The following ANKRD28 variants were observed in gnomAD, a reference collection of about 807,000 sequenced individuals.
ANKRD28 encodes the protein ankyrin repeat domain 28.
ANKRD28 carries 44 observed loss-of-function variants against 126.5 expected under a neutral mutation model. The ratio of observed to expected loss-of-function variants is 0.35; its 90% CI spans 0.27 to 0.45. The LOEUF is 0.45. ANKRD28 is among the 20% of genes least tolerant of loss of function. ANKRD28 has a pLI of 1.00. For synonymous variants in ANKRD28, 442 were observed against 468.5 expected (o/e 0.94, Z 0.73); for missense variants, 1,110 against 1,316.6 (o/e 0.84, Z 2.43).
intron 14 of ANKRD28, among the ~76,000 whole-genome samples, chr3:15,704,945 C>T (rs1438599143): frequency 6.6e-6 from 1 of 152,128 alleles, no homozygotes; most frequent in East Asian, 1.9e-4. Flanking sequence ...CTAGATTATG[C>T]ACAGTCTCAT....
intron 2 of ANKRD28, among the ~76,000 whole-genome samples, chr3:15,779,192 G>A (rs1399357603): frequency 6.6e-6 from 1 of 152,112 alleles, no homozygotes; most frequent in African/African-American, 2.4e-5. Context: ...ACCATAAACT[G>A]CAGCCTGAAA....
chr3:15,814,818 T>TA lies in ANKRD28; in HGVS notation c.28-19513dup, dbSNP rs1369354657. Among the ~76,000 whole-genome samples the TA allele has an allele frequency of 6.6e-6, 1 of 151,456 alleles. No homozygotes were observed. The highest frequency in any genetic ancestry group is 1.5e-5 in the Non-Finnish European group (1 of 67,858). ...AGAACATACTCATTTCAGTAATACA[T>TA]AAATTTAAGAAATCACTGCAATATC... On this transcript the variant is annotated intron_variant, in intron 1 of 27. Transcript: ENST00000399451. This position sits in a 1 kb window ranked among gnomAD's most constrained non-coding sequence, Gnocchi z 4.7.
At position 15,789,959 on chromosome 3, in the gene ANKRD28, C is replaced by T. The variant is rs563570060; in HGVS notation, c.201+5264G>A. Among the ~76,000 whole-genome samples the T allele has an allele frequency of 7.0e-4, 107 of 152,122 alleles. 3 individuals carry two copies. The highest frequency in any genetic ancestry group is 1.2e-3 in the South Asian group (6 of 4,824). On this transcript the variant is annotated intron_variant, in intron 2 of 27. Transcript: ENST00000683139. ...CAACTTACACAGAAATTACGACTTACACAGACATTATGACTTATGCAGAAA... is the reference window on the plus strand; with the variant it reads ...CAACTTACACAGAAATTACGACTTATACAGACATTATGACTTATGCAGAAA...
intron 8 of ANKRD28, among the ~76,000 whole-genome samples, chr3:15,714,903 T>C (rs2126101711): frequency 6.6e-6 from 1 of 152,268 alleles, no homozygotes; most frequent in South Asian, 2.1e-4. Flanking sequence ...AGTGGGACAG[T>C]AAGGATGTGT....
At chr3:15,780,798 G>A (rs965416034) in intron 2 of ANKRD28, among the ~76,000 whole-genome samples, 1 of 152,078 alleles carries the variant, frequency 6.6e-6, no homozygotes, top group Non-Finnish European at 1.5e-5. Flanking sequence ...TTTGACAAAG[G>A]TGCCAAGAAC....
chr3:15,797,298 G>C lies in ANKRD28; in HGVS notation c.-777C>G. 1 of 985,068 alleles carries C rather than the reference G, an allele frequency of 1.0e-6. No individual in the cohort carries two copies. Among genetic ancestry groups the C allele is most frequent in the South Asian group, 4.7e-5 (1 of 21,264 alleles). 61.0% of individuals were successfully genotyped at this position (985,068 alleles called of 1,614,324 possible). A position where few individuals can be genotyped will look rare whatever the true frequency, so the allele number is the denominator to read the frequency against. Reference sequence around the variant, plus strand: ...GACCACAAGAGACAATACGACTCTTGGTACTAGAATACAGCTTGATTAATC... The same window carrying C: ...GACCACAAGAGACAATACGACTCTTCGTACTAGAATACAGCTTGATTAATC... On this transcript the variant is annotated 5_prime_UTR_variant, in exon 1 of 28. Transcript: ENST00000683139.
At chr3:15,820,948 T>C (rs1276706203) in intron 1 of ANKRD28, among the ~76,000 whole-genome samples, 1 of 152,162 alleles carries the variant, frequency 6.6e-6, no homozygotes, top group Non-Finnish European at 1.5e-5. Flanking sequence ...TATGAACCAA[T>C]TTAAGGAAAT....
Position 15,808,880 on chromosome 3 carries a change from T to C in ANKRD28, c.28-13574A>G, listed in dbSNP as rs542268634. 2.0e-5 allele frequency among the ~76,000 whole-genome samples: 3 copies of C among 152,342 alleles called. No homozygotes were observed. In the East Asian group the frequency reaches 5.8e-4, roughly 29 times the overall value. On this transcript the variant is annotated intron_variant, in intron 1 of 27. Transcript: ENST00000399451. Reference sequence around the variant, plus strand: ...CAAAATCATCATTATTCTCAACTACTCTACAATATTGGGCAATAACCTCTC... The same window carrying C: ...CAAAATCATCATTATTCTCAACTACCCTACAATATTGGGCAATAACCTCTC...
intron 6 of ANKRD28, among the ~76,000 whole-genome samples, chr3:15,727,349 C>T (rs2074243853): frequency 1.3e-5 from 2 of 151,862 alleles, no homozygotes; most frequent in African/African-American, 4.8e-5. Context: ...GGCCAATCAC[C>T]TGAGGTCAGC....
At chr3:15,739,121 C>G in intron 4 of ANKRD28, among the ~76,000 whole-genome samples, 1 of 152,018 alleles carries the variant, frequency 6.6e-6, no homozygotes, top group Non-Finnish European at 1.5e-5. Flanking sequence ...TCATATCGTT[C>G]AAACAATTTG....
intron 10 of ANKRD28, 116 bp downstream of exon 10, chr3:15,713,411 A>G (rs537226074): frequency 2.7e-6 from 2 of 750,676 alleles, no homozygotes; most frequent in African/African-American, 1.8e-5. Context: ...AGTTCAAGCA[A>G]TTAATACAAC....
chr3:15,797,769 T>C lies in ANKRD28; in HGVS notation c.-1248A>G, dbSNP rs1453482122. The C allele has an allele frequency of 3.2e-5, 32 of 985,310 alleles. No homozygotes were observed. Among genetic ancestry groups the C allele is most frequent in the Non-Finnish European group, 3.5e-5 (29 of 829,952 alleles). 61.0% of individuals were successfully genotyped at this position (985,310 alleles called of 1,614,324 possible). ...TGTGAAAACCGCCACAGTTATCCTT[T>C]TCAGATTTCAAATGCTTTCCTGTTC... On this transcript the variant is annotated 5_prime_UTR_variant, in exon 1 of 28. Coordinates refer to ENST00000683139, the MANE Select transcript of ANKRD28 (RefSeq NM_001349278.2).
At chr3:15,740,142 A>G in intron 4 of ANKRD28, among the ~76,000 whole-genome samples, 1 of 152,250 alleles carries the variant, frequency 6.6e-6, no homozygotes, top group East Asian at 1.9e-4. Context: ...ACAAGAATAC[A>G]TATTGTATGA....
In ANKRD28 at chr3:15,809,959, C is replaced by T. The variant is rs76895238; in HGVS notation, c.28-14653G>A. Among the ~76,000 whole-genome samples, 150 of 152,250 alleles carry T rather than the reference C, an allele frequency of 9.9e-4. 1 individual carries two copies. The East Asian group carries it at 0.027, about 27-fold the overall frequency. On this transcript the variant is annotated intron_variant, in intron 1 of 27. Coordinates refer to the ANKRD28 transcript ENST00000399451. ...CAGATGCTGTTTCCTCTGCCTAGCA[C>T]ATCCCCCTCCCACCTCCTCATCCAC...
At position 15,822,430 on chromosome 3, in the gene ANKRD28, A is replaced by G. The variant is rs144635032; in HGVS notation, c.28-27124T>C. Among the ~76,000 whole-genome samples the G allele has an allele frequency of 6.6e-5, 10 of 152,374 alleles. No homozygotes were observed. The East Asian group carries it at 1.9e-3, about 29-fold the overall frequency. ...CAGACTTTACAAAAATAGTTTTAAA[A>G]GACTCATTAAACAACCACCAGAACA... On this transcript the variant is annotated intron_variant, in intron 1 of 27. Transcript: ENST00000399451.
chr3:15,793,322 AACT>A (rs1396433932), intron 2 of ANKRD28, among the ~76,000 whole-genome samples: 2 of 152,168 alleles, frequency 1.3e-5, no homozygotes, highest in East Asian at 1.9e-4. Context: ...CAACACTCTC[AACT>A]ACTAAGAAAG....
intron 2 of ANKRD28, among the ~76,000 whole-genome samples, chr3:15,777,849 T>TACACACACACACACACACAC (rs569761948): frequency 5.3e-4 from 56 of 106,192 alleles, no homozygotes; most frequent in Admixed American, 7.0e-4. Context: ...AAAACCAAAC[T>TACACACACACACACACACAC]ACACACACAC....
At chr3:15,806,986 G>T (rs1190870953) in intron 1 of ANKRD28, among the ~76,000 whole-genome samples, 1 of 152,156 alleles carries the variant, frequency 6.6e-6, no homozygotes, top group Non-Finnish European at 1.5e-5. Context: ...CAAACATCAA[G>T]AATTAAAATA....
intron 13 of ANKRD28, among the ~76,000 whole-genome samples, chr3:15,709,129 G>C (rs1277206200): frequency 2.6e-5 from 4 of 152,142 alleles, no homozygotes; most frequent in Non-Finnish European, 5.9e-5. Flanking sequence ...TCATTTCACA[G>C]CTGCCTTCCT....
Sources: gnomAD v4.1 joint callset for allele counts (sites outside exome capture counted in the v4.1 genomes callset) on GRCh38, gnomAD v4.1.1 for gene constraint, Gnocchi (gnomAD v3.1) non-coding constraint, MANE v1.5 for transcripts, NCBI Gene and HGNC (gene_info 2026-07-23, HGNC 2026-07-21) for gene names.